The following NRXN3 variants were observed in gnomAD, a reference collection of about 807,000 sequenced individuals.
NRXN3 encodes neurexin III.
Under a neutral mutation model 137.6 loss-of-function variants are expected in NRXN3, and 32 were observed. The ratio of observed to expected loss-of-function variants is 0.23; its 90% CI spans 0.18 to 0.31. NRXN3 has a LOEUF of 0.31. NRXN3 is among the 10% of genes least tolerant of loss of function. The pLI is 1.00. For missense variants in NRXN3, 1,574 were observed against 2,062.5 expected, an observed-to-expected ratio of 0.76 and a Z score of 4.59; for synonymous variants, 798 against 784.5, an observed-to-expected ratio of 1.02 and a Z score of -0.29.
intron 19 of NRXN3, among the ~76,000 whole-genome samples, chr14:79,730,013 G>A (rs111630873): frequency 2.8e-4 from 43 of 152,222 alleles, no homozygotes; most frequent in African/African-American, 1.0e-3. Context: ...CAGAAAAACA[G>A]CATCATGCTT....
chr14:78,774,128 C>A (rs12433859), intron 8 of NRXN3, among the ~76,000 whole-genome samples: 10,306 of 152,158 alleles, frequency 0.068, 519 homozygotes, highest in African/African-American at 0.14. Context: ...ATGCTTTATA[C>A]CTGCTATTAC....
intron 16 of NRXN3, among the ~76,000 whole-genome samples, chr14:79,522,124 T>C (rs997374788): frequency 2.4e-4 from 36 of 152,120 alleles, no homozygotes; most frequent in African/African-American, 8.2e-4. Context: ...ATCAATGGAA[T>C]TGAAAAAAAT....
At chr14:78,827,466 C>T (rs1267294862) in intron 10 of NRXN3, among the ~76,000 whole-genome samples, 2 of 152,088 alleles carry the variant, frequency 1.3e-5, no homozygotes, top group African/African-American at 4.8e-5. Flanking sequence ...TGGATGCCAT[C>T]AGAATATTTT....
intron 15 of NRXN3, among the ~76,000 whole-genome samples, chr14:79,195,956 T>A (rs1452784243): frequency 6.6e-6 from 1 of 152,180 alleles, no homozygotes; most frequent in African/African-American, 2.4e-5. Flanking sequence ...CAGATTAGTT[T>A]TTGCTGGTTC....
chr14:79,560,288 G>A (rs1438270491), intron 16 of NRXN3, among the ~76,000 whole-genome samples: 2 of 151,736 alleles, frequency 1.3e-5, no homozygotes, highest in African/African-American at 4.8e-5. Flanking sequence ...AAAAAATTAT[G>A]GATAGTTTTT....
chr14:79,627,107 C>A (rs221489), intron 16 of NRXN3, among the ~76,000 whole-genome samples: 40,152 of 152,036 alleles, frequency 0.26, 6,003 homozygotes, highest in African/African-American at 0.4. Context: ...TTTAGTTTTT[C>A]AGATGGCAAT....
At chr14:78,586,789 A>C (rs1486857591) in intron 4 of NRXN3, among the ~76,000 whole-genome samples, 2 of 152,238 alleles carry the variant, frequency 1.3e-5, no homozygotes, top group Non-Finnish European at 2.9e-5. Context: ...TTTGACAAAC[A>C]GTCTTTATGG....
At chr14:78,566,341 T>C (rs1396916922) in intron 4 of NRXN3, among the ~76,000 whole-genome samples, 2 of 151,984 alleles carry the variant, frequency 1.3e-5, no homozygotes, top group Non-Finnish European at 2.9e-5. Context: ...CAAAAAAATA[T>C]CTGCTATGGA....
At chr14:78,523,537 C>T (rs1368811838) in intron 4 of NRXN3, among the ~76,000 whole-genome samples, 1 of 151,176 alleles carries the variant, frequency 6.6e-6, no homozygotes, top group Non-Finnish European at 1.5e-5. Flanking sequence ...CGGTGGCTCA[C>T]GCCTGTAATC....
intron 15 of NRXN3, among the ~76,000 whole-genome samples, chr14:79,358,665 G>GAAAGA (rs1555397673): frequency 6.7e-6 from 1 of 149,936 alleles, no homozygotes; most frequent in Non-Finnish European, 1.5e-5. Context: ...AAGAAAGAAA[G>GAAAGA]AAAGTGTCCT....
At chr14:78,647,180 C>A (rs1160648873) in intron 5 of NRXN3, among the ~76,000 whole-genome samples, 1 of 152,226 alleles carries the variant, frequency 6.6e-6, no homozygotes, top group Non-Finnish European at 1.5e-5. Flanking sequence ...GTATCAGGCA[C>A]ACTTAAGTCC....
chr14:79,064,250 A>C (rs1045369617), intron 15 of NRXN3, among the ~76,000 whole-genome samples: 2 of 152,202 alleles, frequency 1.3e-5, no homozygotes, highest in African/African-American at 4.8e-5. Context: ...CTACAATGCC[A>C]GCAGAAAGGT....
At chr14:79,723,942 G>A (rs2098862064) in intron 19 of NRXN3, among the ~76,000 whole-genome samples, 1 of 152,042 alleles carries the variant, frequency 6.6e-6, no homozygotes, top group Admixed American at 6.6e-5. Context: ...CATCTCAACT[G>A]CCTTTTAATA....
At chr14:79,640,870 G>A (rs2098429007) in intron 16 of NRXN3, among the ~76,000 whole-genome samples, 1 of 135,510 alleles carries the variant, frequency 7.4e-6, no homozygotes, top group South Asian at 2.3e-4. Context: ...GTCTTAAATG[G>A]AAAGAATACT....
intron 4 of NRXN3, among the ~76,000 whole-genome samples, chr14:78,392,793 A>G (rs190453538): frequency 6.6e-6 from 1 of 152,232 alleles, no homozygotes; most frequent in African/African-American, 2.4e-5. Context: ...TAGCAAGAAG[A>G]CCCTTAAAAC....
chr14:78,947,309 G>A (rs1049452548), intron 10 of NRXN3, among the ~76,000 whole-genome samples: 3 of 152,144 alleles, frequency 2.0e-5, no homozygotes, highest in Non-Finnish European at 2.9e-5. Flanking sequence ...CTTATATTTA[G>A]TACTTTCTAT....
At chr14:79,668,223 A>G (rs1000821654) in intron 17 of NRXN3, among the ~76,000 whole-genome samples, 3 of 152,128 alleles carry the variant, frequency 2.0e-5, no homozygotes, top group Non-Finnish European at 4.4e-5. Context: ...CTCTCTTTAT[A>G]TTTGAGTTTG....
chr14:78,875,597 C>A (rs1417351019), intron 10 of NRXN3, among the ~76,000 whole-genome samples: 1 of 152,100 alleles, frequency 6.6e-6, no homozygotes, highest in Non-Finnish European at 1.5e-5. Flanking sequence ...TACCAACTCT[C>A]CATTTGAATA....
intron 1 of NRXN3, among the ~76,000 whole-genome samples, chr14:78,179,824 G>GTTTTTTTTTTTTT (rs1566912649): frequency 2.4e-4 from 3 of 12,620 alleles, no homozygotes; most frequent in African/African-American, 4.6e-4. Context: ...TTTTTTTTTT[G>GTTTTTTTTTTTTT]TTTGTTTCTG....
Sources: gnomAD v4.1 joint callset for allele counts (sites outside exome capture counted in the v4.1 genomes callset) on GRCh38, gnomAD v4.1.1 for gene constraint, MANE v1.5 for transcripts, NCBI Gene and HGNC (gene_info 2026-07-23, HGNC 2026-07-21) for gene names.